Variants in GALNT7 observed in about 807,000 individuals in gnomAD.
GALNT7 encodes polypeptide N-acetylgalactosaminyltransferase 7, also known as N-acetylgalactosaminyltransferase 7.
Under a neutral mutation model 82.1 loss-of-function variants are expected in GALNT7, and 60 were observed. The ratio of observed to expected loss-of-function variants is 0.73; its 90% confidence interval spans 0.59 to 0.91. The LOEUF is 0.91. Among genes scored for constraint, GALNT7 ranks in the 40% least tolerant of loss-of-function variants. GALNT7 has a pLI of 0.00. For synonymous variants in GALNT7, 243 were observed against 275.1 expected (o/e 0.88, Z 1.15); for missense variants, 660 against 804.2 (o/e 0.82, Z 2.17).
chr4:173,198,232 T>TTTG (rs770172221), intron 1 of GALNT7, among the ~76,000 whole-genome samples: 2 of 150,044 alleles, frequency 1.3e-5, no homozygotes, highest in Non-Finnish European at 3.0e-5. Context: ...GCTAATTTTT[T>TTTG]TTTTTTTTTG....
chr4:173,268,618 C>T (rs1735601218), intron 2 of GALNT7, among the ~76,000 whole-genome samples: 1 of 131,758 alleles, frequency 7.6e-6, no homozygotes, highest in South Asian at 2.6e-4. Context: ...GCAAGCTCTG[C>T]CTCCCAGGTT....
At chr4:173,314,472 A>G (rs888616867) in intron 9 of GALNT7, among the ~76,000 whole-genome samples, 4 of 152,122 alleles carry the variant, frequency 2.6e-5, no homozygotes, top group Non-Finnish European at 4.4e-5. Context: ...ACTAATTTCA[A>G]TTTATCTTAC....
intron 1 of GALNT7, chr4:173,169,796 A>G (rs1731792727): frequency 6.6e-6 from 1 of 151,988 alleles, no homozygotes; most frequent in African/African-American, 2.4e-5. Context: ...GAAGAGGAGC[A>G]GTTCCTCTTC....
chr4:173,171,858 A>G (rs760520015), intron 1 of GALNT7, among the ~76,000 whole-genome samples: 2 of 152,248 alleles, frequency 1.3e-5, no homozygotes, highest in Non-Finnish European at 2.9e-5. Flanking sequence ...CTCGATAAAT[A>G]TATAAATAAA....
intron 2 of GALNT7, among the ~76,000 whole-genome samples, chr4:173,276,026 A>G (rs1735894517): frequency 6.6e-6 from 1 of 152,214 alleles, no homozygotes; most frequent in Admixed American, 6.5e-5. Flanking sequence ...ATCTAGTTTC[A>G]TCCTGAAAGG....
intron 1 of GALNT7, among the ~76,000 whole-genome samples, chr4:173,235,716 C>T (rs987620984): frequency 6.6e-6 from 1 of 152,070 alleles, no homozygotes; most frequent in Admixed American, 6.5e-5. Flanking sequence ...CCACCACGCC[C>T]AGCTAATTTT....
intron 2 of GALNT7, among the ~76,000 whole-genome samples, chr4:173,278,491 G>A (rs1328840856): frequency 6.6e-6 from 1 of 152,192 alleles, no homozygotes; most frequent in Non-Finnish European, 1.5e-5. Flanking sequence ...GGGAGGGATG[G>A]TTATACACAA....
At chr4:173,186,518 T>C (rs1041329431) in intron 1 of GALNT7, among the ~76,000 whole-genome samples, 18 of 152,232 alleles carry the variant, frequency 1.2e-4, no homozygotes, top group African/African-American at 4.3e-4. Flanking sequence ...TAACTTGCAC[T>C]TTTATACATA....
chr4:173,230,086 G>C (rs1733978927), intron 1 of GALNT7, among the ~76,000 whole-genome samples: 1 of 152,156 alleles, frequency 6.6e-6, no homozygotes, highest in Non-Finnish European at 1.5e-5. Context: ...ATGACTTAGG[G>C]TCATCAGAAG....
At chr4:173,224,787 C>T (rs1056943916) in intron 1 of GALNT7, among the ~76,000 whole-genome samples, 12 of 151,368 alleles carry the variant, frequency 7.9e-5, no homozygotes, top group Non-Finnish European at 1.5e-4. Context: ...CCGAGGCGGG[C>T]GGATCACGAG....
chr4:173,281,984 A>C (rs1314377625), intron 2 of GALNT7, among the ~76,000 whole-genome samples: 1 of 152,090 alleles, frequency 6.6e-6, no homozygotes, highest in East Asian at 1.9e-4. Context: ...CATGGACACA[A>C]GGGTGGGGGT....
At chr4:173,199,138 A>G (rs767549061) in intron 1 of GALNT7, among the ~76,000 whole-genome samples, 2 of 152,128 alleles carry the variant, frequency 1.3e-5, no homozygotes, top group African/African-American at 2.4e-5. Context: ...TTCGAGCATT[A>G]TGTGCTAGAT....
chr4:173,281,760 C>T (rs917391028), intron 2 of GALNT7, among the ~76,000 whole-genome samples: 19 of 152,218 alleles, frequency 1.2e-4, no homozygotes, highest in Admixed American at 1.2e-3. Flanking sequence ...CTTCTATCCC[C>T]TTGTTCCCTC....
chr4:173,292,762 C>T lies in GALNT7; in HGVS notation c.754+488C>T, dbSNP rs920715536. Among the ~76,000 whole-genome samples, 2 of 152,224 alleles carry T rather than the reference C, an allele frequency of 1.3e-5. No homozygotes were observed. Among genetic ancestry groups the T allele is most frequent in the Middle Eastern group, 3.4e-3 (1 of 294 alleles). On this transcript the variant is annotated intron_variant, in intron 3 of 11. Coordinates refer to ENST00000265000, the MANE Select transcript of GALNT7 (RefSeq NM_017423.3). The surrounding 1 kb of genome is among the most constrained non-coding windows in gnomAD (Gnocchi z 4.8). ...ATAAATAGAAATATGGCCTATTTTT[C>T]CTTTCATCTCTGTGCAGCTGATCCT... is the stretch of plus-strand genomic sequence containing the variant.
chr4:173,174,187 T>C (rs935814121), intron 1 of GALNT7, among the ~76,000 whole-genome samples: 2 of 152,150 alleles, frequency 1.3e-5, no homozygotes, highest in Non-Finnish European at 2.9e-5. Context: ...ATTAAAAATA[T>C]CACATCACCA....
Position 173,302,853 on chromosome 4 carries a change from G to T in GALNT7, c.1266+689G>T, listed in dbSNP as rs1736998672. On this transcript the variant is annotated intron_variant, in intron 7 of 11. Coordinates refer to ENST00000265000, the MANE Select transcript of GALNT7 (RefSeq NM_017423.3). This position sits in a 1 kb window ranked among gnomAD's most constrained non-coding sequence, Gnocchi z 4.2. Reference sequence around the variant, plus strand: ...CAAGGAACTTGATAAGAAGATATTAGAATTATACTTAAATTCATAATACAA... The same window carrying T: ...CAAGGAACTTGATAAGAAGATATTATAATTATACTTAAATTCATAATACAA... 6.6e-6 allele frequency among the ~76,000 whole-genome samples: 1 copy of T among 152,194 alleles called. No homozygotes were observed. The highest frequency in any genetic ancestry group is 2.4e-5 in the African/African-American group (1 of 41,438).
At chr4:173,236,101 A>G (rs1734220665) in intron 1 of GALNT7, among the ~76,000 whole-genome samples, 1 of 152,192 alleles carries the variant, frequency 6.6e-6, no homozygotes, top group Admixed American at 6.5e-5. Context: ...CAAGGGGATC[A>G]CAAAAATGCT....
Position 173,317,730 on chromosome 4 carries a change from CA to C in GALNT7, c.1706del (p.Gln569ArgfsTer18). The C allele has an allele frequency of 6.3e-7, 1 of 1,584,940 alleles. No individual in the cohort carries two copies. The highest frequency in any genetic ancestry group is 8.7e-7 in the Non-Finnish European group (1 of 1,153,620). On this transcript the variant is annotated frameshift_variant and splice_region_variant, in exon 10 of 12. Transcript: ENST00000265000. LOFTEE classifies it high-confidence loss of function. ...LGPCHRMGGN[Q>X]LFRINEANQL... ...ACCCTGCCACAGGATGGGAGGGAATCAGGTAAACCACCTTACTTTTGTGTTT... is the reference window on the plus strand; with the variant it reads ...ACCCTGCCACAGGATGGGAGGGAATCGGTAAACCACCTTACTTTTGTGTTT...
intron 1 of GALNT7, among the ~76,000 whole-genome samples, chr4:173,232,558 A>G (rs187729671): frequency 4.3e-4 from 66 of 151,906 alleles, no homozygotes; most frequent in African/African-American, 1.4e-3. Context: ...TCAGCCTTCC[A>G]AGTAACTGGG....
Sources: allele counts gnomAD v4.1 joint callset (sites outside exome capture counted in the v4.1 genomes callset), GRCh38; gene constraint gnomAD v4.1.1; non-coding constraint Gnocchi (gnomAD v3.1); transcripts MANE v1.5; gene names NCBI Gene and HGNC (gene_info 2026-07-23, HGNC 2026-07-21).